KCNH8: variants seen among roughly 807,000 people sequenced by gnomAD.
KCNH8 encodes potassium voltage-gated channel subfamily H member 8.
KCNH8 carries 70 observed loss-of-function variants against 103.6 expected under a neutral mutation model. The ratio of observed to expected loss-of-function variants is 0.68; its 90% CI spans 0.56 to 0.82. KCNH8 has a LOEUF of 0.82. Ranked by LOEUF, KCNH8 falls within the 40% of genes least tolerant of loss-of-function variation. The pLI is 0.00. For synonymous variants in KCNH8, 498 were observed against 489.4 expected, an observed-to-expected ratio of 1.02 and a Z score of -0.23; for missense variants, 1,217 against 1,329.9, an observed-to-expected ratio of 0.92 and a Z score of 1.32.
intron 11 of KCNH8, among the ~76,000 whole-genome samples, chr3:19,501,148 C>T (rs1429900958): frequency 6.6e-6 from 1 of 152,182 alleles, no homozygotes; most frequent in East Asian, 1.9e-4. Flanking sequence ...ACTACAAACA[C>T]CTCTATGCAA....
At chr3:19,522,552 T>C (rs1246203740) in intron 15 of KCNH8, among the ~76,000 whole-genome samples, 3 of 151,872 alleles carry the variant, frequency 2.0e-5, no homozygotes. Context: ...TTCAGTCTAC[T>C]GATTCAAATG....
intron 3 of KCNH8, among the ~76,000 whole-genome samples, chr3:19,330,820 T>C (rs1467381918): frequency 6.6e-6 from 1 of 152,220 alleles, no homozygotes; most frequent in East Asian, 1.9e-4. Context: ...CTTATTTAAA[T>C]TTAGAGGATC....
intron 11 of KCNH8, among the ~76,000 whole-genome samples, chr3:19,466,610 C>T (rs1397428559): frequency 6.8e-6 from 1 of 147,188 alleles, no homozygotes; most frequent in Non-Finnish European, 1.5e-5. Flanking sequence ...TTATAACATA[C>T]TGCAGACTCA....
chr3:19,535,458 A>AGAT lies in KCNH8; in HGVS notation c.*1361_*1363dup, dbSNP rs2069247865. 6.6e-6 allele frequency: 1 copy of AGAT among 152,206 alleles called. No homozygotes were observed. The highest frequency in any genetic ancestry group is 2.4e-5 in the African/African-American group (1 of 41,468). 9.4% of individuals were successfully genotyped at this position (152,206 alleles called of 1,614,324 possible). On this transcript the variant is annotated 3_prime_UTR_variant, in exon 16 of 16. Transcript: ENST00000328405. ...ACATCTCACACTAACAGGCAAATTC[A>AGAT]GATGCTGGGATTGGCAATGATTTAA...
chr3:19,298,244 T>G (rs957566604), intron 3 of KCNH8, among the ~76,000 whole-genome samples: 4 of 152,232 alleles, frequency 2.6e-5, no homozygotes, highest in African/African-American at 4.8e-5. Flanking sequence ...AGGAGAAAGG[T>G]GTTATGATCA....
At chr3:19,396,271 C>T (rs980093635) in intron 7 of KCNH8, among the ~76,000 whole-genome samples, 1 of 151,958 alleles carries the variant, frequency 6.6e-6, no homozygotes, top group Admixed American at 6.6e-5. Context: ...CTTTTCATAC[C>T]AGCACTTAAT....
chr3:19,376,461 G>C (rs2066206362), intron 5 of KCNH8, among the ~76,000 whole-genome samples: 1 of 152,128 alleles, frequency 6.6e-6, no homozygotes, highest in South Asian at 2.1e-4. Flanking sequence ...TTCGGCTCAT[G>C]CACGGTGCGC....
At chr3:19,161,226 G>A (rs1008979730) in intron 1 of KCNH8, among the ~76,000 whole-genome samples, 6 of 152,102 alleles carry the variant, frequency 3.9e-5, no homozygotes, top group Non-Finnish European at 7.4e-5. Flanking sequence ...CCAATTGAGG[G>A]CAATTGGGTT....
At position 19,190,601 on chromosome 3, in the gene KCNH8, T is replaced by A. The variant is rs536221843; in HGVS notation, c.76+41806T>A. ...GTGGGAATAATACGTGTCCAATGTATTTATAGGCAAAGAAAAATTAGCTGC... is the reference window on the plus strand; with the variant it reads ...GTGGGAATAATACGTGTCCAATGTAATTATAGGCAAAGAAAAATTAGCTGC... On this transcript the variant is annotated intron_variant, in intron 1 of 15. Transcript: ENST00000328405. 9.2e-4 allele frequency among the ~76,000 whole-genome samples: 140 copies of A among 152,072 alleles called. 1 individual carries two copies. In the South Asian group the frequency reaches 0.019, roughly 20 times the overall value.
intron 10 of KCNH8, among the ~76,000 whole-genome samples, chr3:19,452,814 C>A (rs952801693): frequency 4.6e-5 from 7 of 152,132 alleles, no homozygotes; most frequent in African/African-American, 1.7e-4. Flanking sequence ...AAAGTCAAAG[C>A]TAACCTAAGA....
chr3:19,477,188 T>C (rs1374459812), intron 11 of KCNH8, among the ~76,000 whole-genome samples: 2 of 152,146 alleles, frequency 1.3e-5, no homozygotes, highest in Non-Finnish European at 2.9e-5. Flanking sequence ...TACATATTTA[T>C]TGAGCAAGTG....
chr3:19,293,454 T>G (rs148059711), intron 3 of KCNH8, among the ~76,000 whole-genome samples: 1 of 152,350 alleles, frequency 6.6e-6, no homozygotes, highest in African/African-American at 2.4e-5. Context: ...GACTGACACT[T>G]CAGCATCACC....
In KCNH8 at chr3:19,535,210, T is replaced by G. The variant is rs1166326815; in HGVS notation, c.*1111T>G. 6.6e-6 allele frequency: 1 copy of G among 152,230 alleles called. No individual in the cohort carries two copies. Among genetic ancestry groups the G allele is most frequent in the African/African-American group, 2.4e-5 (1 of 41,458 alleles). The allele number at this position is 152,230 out of a possible 1,614,324, so 9.4% of individuals were successfully genotyped here. A position where few individuals can be genotyped will look rare whatever the true frequency, so the allele number is the denominator to read the frequency against. On this transcript the variant is annotated 3_prime_UTR_variant, in exon 16 of 16. Coordinates refer to ENST00000328405, the MANE Select transcript of KCNH8 (RefSeq NM_144633.3). ...AGTGCTTTTCTTTTACAAGAGGTAGTAGACTAGTGGAAATCCCCAAATGGA... is the reference window on the plus strand; with the variant it reads ...AGTGCTTTTCTTTTACAAGAGGTAGGAGACTAGTGGAAATCCCCAAATGGA...
Position 19,517,997 on chromosome 3 carries a change from G to T in KCNH8, c.2543-1G>T. The T allele has an allele frequency of 6.2e-7, 1 of 1,611,672 alleles. No individual in the cohort carries two copies. The highest frequency in any genetic ancestry group is 8.5e-7 in the Non-Finnish European group (1 of 1,178,386). ...CATTCTGTATGTGTGTCACTTTTCAGATCCAGAGATTGGAGCTGCTGTTCT... is the reference window on the plus strand; with the variant it reads ...CATTCTGTATGTGTGTCACTTTTCATATCCAGAGATTGGAGCTGCTGTTCT... On this transcript the variant is annotated splice_acceptor_variant, in intron 14 of 15. Transcript: ENST00000328405. LOFTEE classifies it high-confidence loss of function.
At chr3:19,158,949 C>A (rs115036928) in intron 1 of KCNH8, among the ~76,000 whole-genome samples, 1 of 151,712 alleles carries the variant, frequency 6.6e-6, no homozygotes, top group Non-Finnish European at 1.5e-5. Flanking sequence ...TAAAACATGG[C>A]GACCATAAAG....
At chr3:19,403,348 TAC>T in intron 7 of KCNH8, among the ~76,000 whole-genome samples, 1 of 133,856 alleles carries the variant, frequency 7.5e-6, no homozygotes, top group East Asian at 2.2e-4. Flanking sequence ...CCCCATGAAA[TAC>T]ATATGTAAAG....
At chr3:19,267,142 C>T (rs1435616751) in intron 2 of KCNH8, among the ~76,000 whole-genome samples, 4 of 151,944 alleles carry the variant, frequency 2.6e-5, no homozygotes, top group Non-Finnish European at 4.4e-5. Flanking sequence ...AATAAAGGCA[C>T]AAAGGAGGTA....
chr3:19,214,158 C>T (rs541016501), intron 1 of KCNH8, among the ~76,000 whole-genome samples: 11 of 152,336 alleles, frequency 7.2e-5, no homozygotes, highest in South Asian at 4.1e-4. Context: ...TAATTCTCTA[C>T]GACGTTGGGA....
At chr3:19,339,554 T>G (rs1052045643) in intron 3 of KCNH8, among the ~76,000 whole-genome samples, 1 of 152,152 alleles carries the variant, frequency 6.6e-6, no homozygotes, top group Non-Finnish European at 1.5e-5. Flanking sequence ...CTTTTCGCAG[T>G]AACAATGAAA....
Sources: gnomAD v4.1 joint callset for allele counts (sites outside exome capture counted in the v4.1 genomes callset) on GRCh38, gnomAD v4.1.1 for gene constraint, MANE v1.5 for transcripts, NCBI Gene and HGNC (gene_info 2026-07-23, HGNC 2026-07-21) for gene names.